Variants in TLN2 observed in about 807,000 individuals in gnomAD.
The protein encoded by TLN2 is talin 2, also known as talin-2.
In TLN2, 118 loss-of-function variants were observed where a neutral mutation model predicts 294.7. The observed-to-expected ratio is 0.40, with a 90% confidence interval of 0.34 to 0.47. The LOEUF (loss-of-function observed/expected upper bound fraction) is 0.47, where lower values mean the gene tolerates loss of function less well. Ranked by LOEUF, TLN2 falls within the 20% of genes least tolerant of loss-of-function variation. TLN2 has a pLI of 0.84. For synonymous variants in TLN2, 1,431 were observed against 1,304.5 expected (o/e 1.10, Z -2.09); for missense variants, 3,083 against 3,282.2 (o/e 0.94, Z 1.48).
At position 62,672,597 on chromosome 15, in the gene TLN2, G is replaced by A. The variant is rs116226259; in HGVS notation, c.789-1230G>A. On this transcript the variant is annotated intron_variant, in intron 9 of 58. Transcript: ENST00000636159. ...TAAATCATCCAATTTTTGGCTAATG[G>A]GAATTCACTGATACTGGCTCCAGTA... is the stretch of plus-strand genomic sequence containing the variant. 1.7e-3 allele frequency among the ~76,000 whole-genome samples: 255 copies of A among 152,218 alleles called. 1 individual carries two copies. The highest frequency in any genetic ancestry group is 5.9e-3 in the African/African-American group (247 of 41,530).
At chr15:62,734,999 C>A (rs1308884489) in intron 28 of TLN2, among the ~76,000 whole-genome samples, 2 of 152,188 alleles carry the variant, frequency 1.3e-5, no homozygotes, top group East Asian at 3.8e-4. Flanking sequence ...TTCAAAAGTT[C>A]AGTGCGAGAG....
Position 62,700,985 on chromosome 15 carries a change from C to G in TLN2, c.1588-121C>G. ...GTTTAGGATAACTTAAGGGCCCTGT[C>G]GGTGCTGGCCTCATAAGAAGAATGT... On this transcript the variant is annotated intron_variant, in intron 16 of 58. Coordinates refer to ENST00000636159, the MANE Select transcript of TLN2 (RefSeq NM_015059.3). 2.6e-6 allele frequency: 2 copies of G among 780,610 alleles called. 1 individual carries two copies. The highest frequency in any genetic ancestry group is 3.4e-5 in the South Asian group (2 of 58,642). 48.4% of individuals were successfully genotyped at this position (780,610 alleles called of 1,614,324 possible). A position where few individuals can be genotyped will look rare whatever the true frequency, so the allele number is the denominator to read the frequency against.
intron 2 of TLN2, among the ~76,000 whole-genome samples, chr15:62,605,072 T>C (rs560004654): frequency 1.6e-3 from 238 of 152,310 alleles, no homozygotes; most frequent in African/African-American, 5.5e-3. Context: ...AAATGAAAAG[T>C]GCATTTTCAT....
chr15:62,530,776 C>T (rs559605432), intron 1 of TLN2, among the ~76,000 whole-genome samples: 17 of 152,326 alleles, frequency 1.1e-4, no homozygotes, highest in South Asian at 4.2e-4. Context: ...TTCTGATCTT[C>T]GTCTTTCTGA....
intron 3 of TLN2, among the ~76,000 whole-genome samples, chr15:62,640,561 G>T (rs573850184): frequency 2.6e-5 from 4 of 152,132 alleles, no homozygotes; most frequent in Non-Finnish European, 5.9e-5. Flanking sequence ...CCCCAGGGTG[G>T]AAGCTGATAG....
intron 1 of TLN2, among the ~76,000 whole-genome samples, chr15:62,399,167 C>T (rs1291212522): frequency 1.4e-5 from 2 of 146,874 alleles, no homozygotes; most frequent in Non-Finnish European, 3.0e-5. Flanking sequence ...GGTTTGGGAA[C>T]CTCTGCCTAG....
Position 62,647,321 on chromosome 15 carries a change from T to G in TLN2, c.11T>G (p.Leu4Arg). 6.2e-7 allele frequency: 1 copy of G among 1,614,162 alleles called. No homozygotes were observed. Among genetic ancestry groups the G allele is most frequent in the South Asian group, 1.1e-5 (1 of 91,070 alleles). ...ACATCATCTAGGAAAATGGTGGCCC[T>G]GTCCTTAAAGATTTGTGTGCGCCAC... The part of the protein sequence containing the change: MVA[L>R]SLKICVRHCN... The change falls in exon 4 of 59, where the codon CTG becomes CGG. Residue 4 changes from leucine to arginine, a missense_variant. Transcript: ENST00000636159.
chr15:62,827,404 T>TTAA (rs1475393858), intron 54 of TLN2, among the ~76,000 whole-genome samples: 4 of 152,102 alleles, frequency 2.6e-5, no homozygotes, highest in African/African-American at 4.8e-5. Flanking sequence ...TAAGAGAAGT[T>TTAA]TAATTTGGAA....
chr15:62,642,681 TG>T (rs991774697), intron 3 of TLN2, among the ~76,000 whole-genome samples: 14 of 145,022 alleles, frequency 9.7e-5, no homozygotes, highest in African/African-American at 2.8e-4. Context: ...TTGTTGTTTT[TG>T]TTTGTTTGTT....
Position 62,840,605 on chromosome 15 carries a change from G to T in TLN2, c.7624G>T (p.Gly2542Cys). The T allele has an allele frequency of 6.2e-7, 1 of 1,613,900 alleles. No homozygotes were observed. Among genetic ancestry groups the T allele is most frequent in the East Asian group, 2.2e-5 (1 of 44,860 alleles). The change falls in exon 59 of 59, where the codon GGC becomes TGC. Residue 2542 changes from glycine to cysteine, a missense_variant. Physicochemically the swap from Gly to Cys is radical, Grantham distance 159. Transcript: ENST00000636159. ...ACCCACCGAGCTGAGGGAAGATGAG[G>T]GCTAAAGGTGCGAGCCCAGATGGCG... ...FLPTELREDE[G>C]
intron 1 of TLN2, among the ~76,000 whole-genome samples, chr15:62,579,698 C>T (rs890273945): frequency 1.3e-5 from 2 of 152,136 alleles, no homozygotes; most frequent in Non-Finnish European, 2.9e-5. Flanking sequence ...ACCCGAGATA[C>T]TTCATTACAG....
chr15:62,516,550 C>G (rs1378158349), intron 1 of TLN2, among the ~76,000 whole-genome samples: 1 of 152,188 alleles, frequency 6.6e-6, no homozygotes, highest in Non-Finnish European at 1.5e-5. Flanking sequence ...CTATAATTAT[C>G]TCAAATCTTT....
chr15:62,454,093 G>C (rs1342965665), intron 1 of TLN2, among the ~76,000 whole-genome samples: 4 of 152,356 alleles, frequency 2.6e-5, no homozygotes, highest in African/African-American at 9.6e-5. Context: ...CTTCAGAGCA[G>C]TGGTAGACAT....
chr15:62,484,315 G>C (rs1429127727), intron 1 of TLN2, among the ~76,000 whole-genome samples: 4 of 152,176 alleles, frequency 2.6e-5, no homozygotes, highest in African/African-American at 7.2e-5. Flanking sequence ...CGTTCTGGTG[G>C]CAAAGTATCC....
rs187847076 is a variant in TLN2 at position 62,437,795 on chromosome 15, T to G, written c.-238+47110T>G. Reference sequence around the variant, plus strand: ...TGTGTCTGTCTGTCTGTCTGCCAATTGGTGCAGTGGCCTCTGCATCCTGAG... The same window carrying G: ...TGTGTCTGTCTGTCTGTCTGCCAATGGGTGCAGTGGCCTCTGCATCCTGAG... On this transcript the variant is annotated intron_variant, in intron 1 of 58. Coordinates refer to ENST00000636159, the MANE Select transcript of TLN2 (RefSeq NM_015059.3). 1.6e-4 allele frequency among the ~76,000 whole-genome samples: 25 copies of G among 152,036 alleles called. No homozygotes were observed. In the East Asian group the frequency reaches 3.7e-3, roughly 22 times the overall value.
In TLN2 at chr15:62,737,050, A is replaced by C. The variant is rs1444023830; in HGVS notation, c.3531A>C (p.Ala1177=). 6.2e-7 allele frequency: 1 copy of C among 1,614,086 alleles called. No homozygotes were observed. The highest frequency in any genetic ancestry group is 8.5e-7 in the Non-Finnish European group (1 of 1,180,056). ...AAGAGGCCAAGCAGGCCCTGATTGC[A>C]CCTGGAGATGCAGAGCGTCAACAAA... is the stretch of plus-strand genomic sequence containing the variant. ...LIQEAKQALI[A]PGDAERQQRL... is the part of the protein sequence containing the mutation. The change falls in exon 29 of 59, where the codon GCA becomes GCC. Residue 1177 remains alanine, a synonymous_variant. Coordinates refer to ENST00000636159, the MANE Select transcript of TLN2 (RefSeq NM_015059.3).
intron 1 of TLN2, among the ~76,000 whole-genome samples, chr15:62,584,641 G>A (rs767599079): frequency 6.6e-6 from 1 of 152,176 alleles, no homozygotes; most frequent in Non-Finnish European, 1.5e-5. Context: ...TAATCATTGG[G>A]CTACACTTCA....
chr15:62,472,407 T>G (rs1019677651), intron 1 of TLN2, among the ~76,000 whole-genome samples: 1 of 152,158 alleles, frequency 6.6e-6, no homozygotes, highest in South Asian at 2.1e-4. Flanking sequence ...TAGGCAGGGA[T>G]GCGGCTCCCT....
chr15:62,480,131 G>A (rs2037997726), intron 1 of TLN2, among the ~76,000 whole-genome samples: 1 of 152,182 alleles, frequency 6.6e-6, no homozygotes, highest in South Asian at 2.1e-4. Context: ...AAAGGGGAGA[G>A]CAGGTGGGTG....
Sources: gnomAD v4.1 joint callset for allele counts (sites outside exome capture counted in the v4.1 genomes callset) on GRCh38, gnomAD v4.1.1 for gene constraint, MANE v1.5 for transcripts, NCBI Gene and HGNC (gene_info 2026-07-23, HGNC 2026-07-21) for gene names.